PRKG1: variants seen among roughly 807,000 people sequenced by gnomAD.
The protein encoded by PRKG1 is protein kinase cGMP-dependent 1, also known as cGMP-dependent protein kinase 1.
In PRKG1, 35 loss-of-function variants were observed where a neutral mutation model predicts 88.1. The observed-to-expected ratio is 0.40, with a 90% CI of 0.30 to 0.53. PRKG1 has a LOEUF of 0.53. Ranked by LOEUF, PRKG1 falls within the 20% of genes least tolerant of loss-of-function variation. PRKG1 has a pLI of 0.59. For missense variants in PRKG1, 540 were observed against 839.8 expected (o/e 0.64, Z 4.41); for synonymous variants, 303 against 292.5 (o/e 1.04, Z -0.37).
chr10:51,897,607 T>G (rs1428724802), intron 4 of PRKG1, among the ~76,000 whole-genome samples: 2 of 152,194 alleles, frequency 1.3e-5, no homozygotes, highest in Non-Finnish European at 2.9e-5. Context: ...ATTTAAAAAT[T>G]AAATTGTTTT....
Position 51,597,827 on chromosome 10 carries a change from A to G in PRKG1, c.592+129991A>G, listed in dbSNP as rs573105681. Among the ~76,000 whole-genome samples the G allele has an allele frequency of 1.2e-4, 19 of 152,342 alleles. No individual in the cohort carries two copies. In the South Asian group the frequency reaches 3.1e-3, roughly 25 times the overall value. On this transcript the variant is annotated intron_variant, in intron 3 of 17. Transcript: ENST00000373980. ...AATGAATCACTCTGACATTCCTCAA[A>G]AGAATGAGATTTTATAGAAAACCTG...
chr10:51,618,692 G>A (rs1466480734), intron 3 of PRKG1, among the ~76,000 whole-genome samples: 2 of 152,082 alleles, frequency 1.3e-5, no homozygotes, highest in African/African-American at 2.4e-5. Context: ...GCCATTGAAT[G>A]TTTTAAGTAA....
intron 3 of PRKG1, among the ~76,000 whole-genome samples, chr10:51,613,893 T>C (rs1328106864): frequency 6.6e-6 from 1 of 151,956 alleles, no homozygotes; most frequent in Non-Finnish European, 1.5e-5. Flanking sequence ...AGACTTCTTT[T>C]CTTTTTTTGG....
intron 2 of PRKG1, among the ~76,000 whole-genome samples, chr10:51,186,954 T>TTTTA (rs1318166640): frequency 0.061 from 7,992 of 131,108 alleles, 342 homozygotes; most frequent in African/African-American, 0.11. Flanking sequence ...AGGCCCTGTG[T>TTTTA]TATATATATA....
chr10:52,188,331 C>CACAT (rs1839274342), intron 9 of PRKG1, among the ~76,000 whole-genome samples: 1 of 138,624 alleles, frequency 7.2e-6, no homozygotes, highest in African/African-American at 2.7e-5. Context: ...TATATATACA[C>CACAT]ATATATATAT....
intron 1 of PRKG1, among the ~76,000 whole-genome samples, chr10:50,994,535 C>G (rs373104797): frequency 6.6e-6 from 1 of 151,656 alleles, no homozygotes; most frequent in South Asian, 2.1e-4. Context: ...CTCAGCCTCC[C>G]GAGTACACCT....
intron 2 of PRKG1, among the ~76,000 whole-genome samples, chr10:51,268,712 C>A (rs1034184160): frequency 6.6e-6 from 1 of 152,050 alleles, no homozygotes; most frequent in Non-Finnish European, 1.5e-5. Flanking sequence ...ATCACAGGGT[C>A]CTGAGGCGAC....
intron 1 of PRKG1, among the ~76,000 whole-genome samples, chr10:51,100,556 T>G (rs1844653811): frequency 1.3e-5 from 2 of 152,216 alleles, no homozygotes; most frequent in Non-Finnish European, 2.9e-5. Flanking sequence ...GCTGCAACTG[T>G]TACAGCTGTG....
chr10:51,897,922 A>C (rs1169653079), intron 4 of PRKG1, among the ~76,000 whole-genome samples: 1 of 152,030 alleles, frequency 6.6e-6, no homozygotes, highest in Non-Finnish European at 1.5e-5. Flanking sequence ...AAAATCCTGC[A>C]ATGGCTCTAC....
intron 3 of PRKG1, among the ~76,000 whole-genome samples, chr10:51,657,160 G>C (rs1187354934): frequency 6.6e-6 from 1 of 151,990 alleles, no homozygotes; most frequent in Admixed American, 6.6e-5. Context: ...TGCTCATGTT[G>C]TTTCCTCCAT....
chr10:51,273,968 A>G (rs538351718), intron 2 of PRKG1, among the ~76,000 whole-genome samples: 18 of 152,214 alleles, frequency 1.2e-4, no homozygotes, highest in Non-Finnish European at 2.6e-4. Context: ...TGGAATGTGT[A>G]CAAATCTCCA....
intron 1 of PRKG1, among the ~76,000 whole-genome samples, chr10:51,050,239 A>C (rs374397642): frequency 5.5e-4 from 84 of 151,984 alleles, no homozygotes; most frequent in African/African-American, 1.7e-3. Flanking sequence ...TACTATAGGC[A>C]CTATTCTGCG....
chr10:51,866,565 T>C (rs944715244), intron 4 of PRKG1, among the ~76,000 whole-genome samples: 1 of 152,182 alleles, frequency 6.6e-6, no homozygotes, highest in African/African-American at 2.4e-5. Flanking sequence ...GATTTTCTAA[T>C]TGATGGTGAG....
intron 10 of PRKG1, among the ~76,000 whole-genome samples, chr10:52,268,870 GT>G (rs1050011131): frequency 6.6e-6 from 1 of 151,918 alleles, no homozygotes; most frequent in African/African-American, 2.4e-5. Flanking sequence ...TTGGTGGTGC[GT>G]TTTCATTTAG....
At chr10:52,078,248 A>T (rs1165935854) in intron 7 of PRKG1, among the ~76,000 whole-genome samples, 5 of 152,236 alleles carry the variant, frequency 3.3e-5, no homozygotes, top group African/African-American at 4.8e-5. Flanking sequence ...CCAAACACAA[A>T]TAGTCAAGAA....
intron 3 of PRKG1, among the ~76,000 whole-genome samples, chr10:51,645,781 G>A (rs1296747863): frequency 6.6e-6 from 1 of 152,116 alleles, no homozygotes; most frequent in Non-Finnish European, 1.5e-5. Flanking sequence ...AGCAAAATTA[G>A]TATTACCAGA....
intron 8 of PRKG1, among the ~76,000 whole-genome samples, chr10:52,152,493 A>C (rs771208674): frequency 6.6e-6 from 1 of 152,120 alleles, no homozygotes; most frequent in African/African-American, 2.4e-5. Context: ...AGTCCTGTAT[A>C]AAGAGGAAAC....
chr10:51,159,437 A>C (rs146853503), intron 2 of PRKG1, among the ~76,000 whole-genome samples: 170 of 152,258 alleles, frequency 1.1e-3, no homozygotes, highest in African/African-American at 3.9e-3. Flanking sequence ...AATGTACTTA[A>C]AGTTATACTT....
chr10:51,316,586 G>T (rs1469011532), intron 2 of PRKG1, among the ~76,000 whole-genome samples: 1 of 152,112 alleles, frequency 6.6e-6, no homozygotes, highest in African/African-American at 2.4e-5. Flanking sequence ...GGAGGCTGAG[G>T]CAGGAGAGTT....
Sources: allele counts gnomAD v4.1 joint callset (sites outside exome capture counted in the v4.1 genomes callset), GRCh38; gene constraint gnomAD v4.1.1; transcripts MANE v1.5; gene names NCBI Gene and HGNC (gene_info 2026-07-23, HGNC 2026-07-21).